Variants in TENT4B observed in about 807,000 individuals in gnomAD.
TENT4B encodes terminal nucleotidyltransferase 4B.
A neutral mutation model predicts 75.0 loss-of-function variants in TENT4B; 10 were observed. The observed-to-expected ratio is 0.13, with a 90% CI of 0.08 to 0.23. The LOEUF is 0.23. Ranked by LOEUF, TENT4B falls within the 10% of genes least tolerant of loss-of-function variation. The pLI is 1.00. For synonymous variants in TENT4B, 350 were observed against 357.7 expected (o/e 0.98, Z 0.24); for missense variants, 579 against 893.8 (o/e 0.65, Z 4.49).
chr16:50,196,652 G>A (rs1258937989), intron 1 of TENT4B, among the ~76,000 whole-genome samples: 1 of 152,060 alleles, frequency 6.6e-6, no homozygotes, highest in Non-Finnish European at 1.5e-5. Context: ...AACTGGCCAG[G>A]GGTAGTGCCT....
intron 1 of TENT4B, among the ~76,000 whole-genome samples, chr16:50,210,048 C>T (rs1328685909): frequency 6.6e-6 from 1 of 152,108 alleles, no homozygotes; most frequent in Non-Finnish European, 1.5e-5. Context: ...CTGCTGTGCC[C>T]CAGGCCAAAC....
rs182857295 is a variant in TENT4B at position 50,207,624 on chromosome 16, C to A, written c.639-3699C>A. 4.6e-5 allele frequency among the ~76,000 whole-genome samples: 7 copies of A among 152,234 alleles called. No individual in the cohort carries two copies. In the East Asian group the frequency reaches 1.3e-3, roughly 29 times the overall value. On this transcript the variant is annotated intron_variant, in intron 1 of 11. Coordinates refer to ENST00000561678, the MANE Select transcript of TENT4B (RefSeq NM_001365324.3). ...TTCAGTATGATGTATTTTATAATTT[C>A]ATATGAGAAACTGTAACAATGGGCA...
chr16:50,182,328 C>CAGA (rs1047083985), intron 1 of TENT4B, among the ~76,000 whole-genome samples: 3 of 152,184 alleles, frequency 2.0e-5, no homozygotes, highest in Non-Finnish European at 2.9e-5. Context: ...TTTGGTGCTT[C>CAGA]ATGTCAGTGT....
chr16:50,163,581 A>T (rs1409685327), intron 1 of TENT4B, among the ~76,000 whole-genome samples: 3 of 151,150 alleles, frequency 2.0e-5, no homozygotes, highest in Non-Finnish European at 4.4e-5. Context: ...TTGTATTTTT[A>T]GTAGAGACGG....
intron 1 of TENT4B, among the ~76,000 whole-genome samples, chr16:50,194,732 C>T (rs577131082): frequency 4.3e-4 from 64 of 147,610 alleles, no homozygotes; most frequent in African/African-American, 1.5e-3. Context: ...CGCTAGCCAC[C>T]GTGCTTGGCT....
At chr16:50,226,324 G>C (rs1306382355) in intron 10 of TENT4B, among the ~76,000 whole-genome samples, 1 of 151,880 alleles carries the variant, frequency 6.6e-6, no homozygotes, top group Non-Finnish European at 1.5e-5. Context: ...AGTTAGTTTT[G>C]CCTGTTTCAG....
Position 50,225,175 on chromosome 16 carries a change from C to T in TENT4B, c.1690C>T (p.Leu564Phe). 9.9e-6 allele frequency: 16 copies of T among 1,613,798 alleles called. No homozygotes were observed. Among genetic ancestry groups the T allele is most frequent in the Non-Finnish European group, 1.3e-5 (15 of 1,179,740 alleles). The change falls in exon 10 of 12, where the codon CTT (leucine) becomes TTT (phenylalanine). Residue 564 changes from leucine (L) to phenylalanine (F), a missense_variant. This residue lies in a region of TENT4B where 164 missense variants were observed against 226.5 expected (regional missense o/e 0.72). Coordinates refer to ENST00000561678, the MANE Select transcript of TENT4B (RefSeq NM_001365324.3). ...TAATCTATCTGAAGAAAATGAAGCC[C>T]TTGGAAAATGTAGAAGTAAAACCTC... ...NNNLSEENEA[L>F]GKCRSKTSES...
chr16:50,233,497 C>T lies in TENT4B; in HGVS notation c.*4169C>T. On this transcript the variant is annotated 3_prime_UTR_variant, in exon 12 of 12. Coordinates refer to ENST00000561678, the MANE Select transcript of TENT4B (RefSeq NM_001365324.3). ...CATCTTGACTTCACACCCTTAGCGA[C>T]TTTTCTTTTTTTTTTGGTCAAAGAT... 2.0e-6 allele frequency: 2 copies of T among 982,466 alleles called. No individual in the cohort carries two copies. The highest frequency in any genetic ancestry group is 2.4e-6 in the Non-Finnish European group (2 of 827,708). 60.9% of individuals were successfully genotyped at this position (982,466 alleles called of 1,614,324 possible). A position where few individuals can be genotyped will look rare whatever the true frequency, so the allele number is the denominator to read the frequency against.
At chr16:50,209,474 C>T (rs1256453770) in intron 1 of TENT4B, among the ~76,000 whole-genome samples, 1 of 152,188 alleles carries the variant, frequency 6.6e-6, no homozygotes, top group African/African-American at 2.4e-5. Flanking sequence ...GTTGAAGGTC[C>T]TGAGGTACCC....
intron 2 of TENT4B, among the ~76,000 whole-genome samples, chr16:50,212,268 G>T (rs1404738806): frequency 6.6e-6 from 1 of 152,032 alleles, no homozygotes. Context: ...ATGTTGCCCA[G>T]GTTGGTCTTG....
intron 1 of TENT4B, among the ~76,000 whole-genome samples, chr16:50,197,722 G>A (rs1444486385): frequency 1.3e-5 from 2 of 152,176 alleles, no homozygotes; most frequent in Non-Finnish European, 1.5e-5. Flanking sequence ...TACCGAAAAC[G>A]GAAGTGAGGT....
At chr16:50,196,183 C>T (rs2030226051) in intron 1 of TENT4B, among the ~76,000 whole-genome samples, 1 of 152,122 alleles carries the variant, frequency 6.6e-6, no homozygotes, top group Non-Finnish European at 1.5e-5. Context: ...AATTTTTATA[C>T]TCAAAGAATT....
chr16:50,171,246 C>T (rs1416791063), intron 1 of TENT4B, among the ~76,000 whole-genome samples: 1 of 152,010 alleles, frequency 6.6e-6, no homozygotes, highest in Non-Finnish European at 1.5e-5. Context: ...ACAAAAAATA[C>T]AAAAAATAGC....
At chr16:50,184,265 ACTTTATC>A (rs754579850) in intron 1 of TENT4B, among the ~76,000 whole-genome samples, 41 of 152,214 alleles carry the variant, frequency 2.7e-4, no homozygotes, top group Non-Finnish European at 5.7e-4. Flanking sequence ...ATGTATCATT[ACTTTATC>A]CTTTATGTGG....
chr16:50,219,993 AT>A (rs71138054), intron 5 of TENT4B, among the ~76,000 whole-genome samples: 135,699 of 140,126 alleles, frequency 0.97, 65,689 homozygotes, highest in East Asian at 0.99. Flanking sequence ...TTTTTTTTTA[AT>A]TTTTTTTTTT....
chr16:50,213,961 C>T (rs1030671006), intron 2 of TENT4B, among the ~76,000 whole-genome samples: 1 of 152,116 alleles, frequency 6.6e-6, no homozygotes, highest in Non-Finnish European at 1.5e-5. Flanking sequence ...AACCAATCTC[C>T]TGCCGATACC....
rs576154091 is a variant in TENT4B at position 50,234,818 on chromosome 16, A to G, written c.*5490A>G. On this transcript the variant is annotated 3_prime_UTR_variant, in exon 12 of 12. Transcript: ENST00000561678. Reference sequence around the variant, plus strand: ...GGATATAAAGTGTGAAGGACTGTTGAGTTAAACATTTTTAGTGGAATATAC... The same window carrying G: ...GGATATAAAGTGTGAAGGACTGTTGGGTTAAACATTTTTAGTGGAATATAC... 1.0e-6 allele frequency: 1 copy of G among 985,654 alleles called. No individual in the cohort carries two copies. The highest frequency in any genetic ancestry group is 1.2e-6 in the Non-Finnish European group (1 of 829,938). 61.1% of individuals were successfully genotyped at this position (985,654 alleles called of 1,614,324 possible). A position where few individuals can be genotyped will look rare whatever the true frequency, so the allele number is the denominator to read the frequency against.
intron 5 of TENT4B, among the ~76,000 whole-genome samples, chr16:50,220,946 T>C (rs1418469955): frequency 2.6e-5 from 4 of 152,262 alleles, no homozygotes; most frequent in Admixed American, 2.6e-4. Flanking sequence ...CCATGCGTGT[T>C]CATTGTAGGA....
chr16:50,221,298 T>C (rs764823741), intron 5 of TENT4B, among the ~76,000 whole-genome samples: 1 of 152,178 alleles, frequency 6.6e-6, no homozygotes, highest in Non-Finnish European at 1.5e-5. Flanking sequence ...TAATAATAGC[T>C]GTTAAGACTT....
Sources: gnomAD v4.1 joint callset for allele counts (sites outside exome capture counted in the v4.1 genomes callset) on GRCh38, gnomAD v4.1.1 for gene constraint, gnomAD v4.1.1 regional missense constraint, MANE v1.5 for transcripts, NCBI Gene and HGNC (gene_info 2026-07-23, HGNC 2026-07-21) for gene names.